The following MSI2 variants were observed in gnomAD, a reference collection of about 807,000 sequenced individuals.
MSI2 encodes the protein musashi RNA binding protein 2.
MSI2 carries 17 observed loss-of-function variants against 45.6 expected under a neutral mutation model. The ratio of observed to expected loss-of-function variants is 0.37; its 90% CI spans 0.26 to 0.56. The LOEUF (loss-of-function observed/expected upper bound fraction) is 0.56. Ranked by LOEUF, MSI2 falls within the 20% of genes least tolerant of loss-of-function variation. MSI2 has a pLI of 0.77. For synonymous variants in MSI2, 156 were observed against 158.2 expected, an observed-to-expected ratio of 0.99 and a Z score of 0.11; for missense variants, 293 against 444.2, an observed-to-expected ratio of 0.66 and a Z score of 3.06.
chr17:57,373,069 T>C (rs1380646327), intron 5 of MSI2, among the ~76,000 whole-genome samples: 1 of 152,046 alleles, frequency 6.6e-6, no homozygotes, highest in African/African-American at 2.4e-5. Context: ...GCCAACATAG[T>C]GGTAGAGACA....
chr17:57,617,535 C>T (rs1276122355), intron 9 of MSI2, among the ~76,000 whole-genome samples: 1 of 152,200 alleles, frequency 6.6e-6, no homozygotes, highest in Admixed American at 6.5e-5. Context: ...TCCTGGTTCA[C>T]TACAAGATAA....
chr17:57,265,125 G>A (rs1273700017), intron 5 of MSI2: 4 of 152,226 alleles, frequency 2.6e-5, no homozygotes, highest in African/African-American at 7.2e-5. Context: ...TAGAATTTGA[G>A]CCTGGCCACC....
At chr17:57,691,208 T>TC in the MSI2 span, among the ~76,000 whole-genome samples, 3 of 60,758 alleles carry the variant, frequency 4.9e-5, no homozygotes, top group African/African-American at 2.6e-4. Context: ...CTCATCTATC[T>TC]ATCTATCTAT....
rs542992610 is a variant in MSI2, at chr17:57,405,719, A to G, written c.405+4248A>G. On this transcript the variant is annotated intron_variant, in intron 6 of 13. Transcript: ENST00000284073. ...ACTGTTATAGTATTTCCATCTCCCTATTTCACCAGCTAGATGTAATTAATG... is the reference window on the plus strand; with the variant it reads ...ACTGTTATAGTATTTCCATCTCCCTGTTTCACCAGCTAGATGTAATTAATG... Among the ~76,000 whole-genome samples the G allele has an allele frequency of 7.1e-4, 108 of 152,294 alleles. 1 individual carries two copies. Among genetic ancestry groups the G allele is most frequent in the African/African-American group, 2.6e-3 (107 of 41,558 alleles).
chr17:57,465,619 G>A (rs1281584747), intron 6 of MSI2, among the ~76,000 whole-genome samples: 1 of 152,112 alleles, frequency 6.6e-6, no homozygotes, highest in Non-Finnish European at 1.5e-5. Flanking sequence ...CTTAATTCAG[G>A]CCTTACCCAA....
intron 6 of MSI2, among the ~76,000 whole-genome samples, 193 bp downstream of exon 6, chr17:57,401,664 C>T (rs779084322): frequency 4.6e-5 from 7 of 152,190 alleles, no homozygotes; most frequent in African/African-American, 9.7e-5. Flanking sequence ...GGTGTGATGT[C>T]CCACGTGCTG....
In MSI2 at chr17:57,586,220, T is replaced by TC. The variant is rs147488826; in HGVS notation, c.455-10645dup. ...TCTGGCCTGGATCACAGGTGCTTTT[T>TC]CCCACTCAGTTAACAGGAGTCTGGG... On this transcript the variant is annotated intron_variant, in intron 7 of 13. Transcript: ENST00000284073. Among the ~76,000 whole-genome samples the TC allele has an allele frequency of 5.9e-3, 892 of 152,324 alleles. 8 individuals are homozygous for TC. The highest frequency in any genetic ancestry group is 0.021 in the African/African-American group (853 of 41,566).
chr17:57,494,160 A>C (rs1313535182), intron 6 of MSI2, among the ~76,000 whole-genome samples: 2 of 152,220 alleles, frequency 1.3e-5, no homozygotes, highest in African/African-American at 4.8e-5. Context: ...GAGGTTCAAC[A>C]ACAGAGTCAT....
chr17:57,544,484 G>A (rs550053578), intron 7 of MSI2, among the ~76,000 whole-genome samples: 2 of 152,234 alleles, frequency 1.3e-5, no homozygotes, highest in East Asian at 1.9e-4. Flanking sequence ...GGGGTAGGGC[G>A]CTGCAGGTAG....
At chr17:57,264,747 T>C (rs1237208385) in intron 5 of MSI2, 1 of 152,280 alleles carries the variant, frequency 6.6e-6, no homozygotes. Context: ...GCAACCTGGC[T>C]GTAGAACTGG....
chr17:57,391,609 C>T (rs2083792079), intron 5 of MSI2, among the ~76,000 whole-genome samples: 1 of 152,160 alleles, frequency 6.6e-6, no homozygotes, highest in African/African-American at 2.4e-5. Context: ...GTCATCTGTG[C>T]ATCTTCAGAA....
At chr17:57,328,772 T>G (rs1371711791) in intron 5 of MSI2, among the ~76,000 whole-genome samples, 1 of 151,992 alleles carries the variant, frequency 6.6e-6, no homozygotes. Flanking sequence ...GATTATTGCC[T>G]GAGGAGACAT....
chr17:57,640,381 A>T lies in MSI2; in HGVS notation c.728-11718A>T, dbSNP rs573133911. Among the ~76,000 whole-genome samples, 168 of 152,252 alleles carry T rather than the reference A, an allele frequency of 1.1e-3. 1 individual carries two copies. Among genetic ancestry groups the T allele is most frequent in the Non-Finnish European group, 1.7e-3 (113 of 68,048 alleles). On this transcript the variant is annotated intron_variant, in intron 10 of 13. Coordinates refer to ENST00000284073, the MANE Select transcript of MSI2 (RefSeq NM_138962.4). Reference sequence around the variant, plus strand: ...AATGTTATCTATTAAAGCCCTTTGGATGTGAAATGCCATGTAAATTAATAG... The same window carrying T: ...AATGTTATCTATTAAAGCCCTTTGGTTGTGAAATGCCATGTAAATTAATAG...
chr17:57,476,079 GA>G (rs1269193578), intron 6 of MSI2, among the ~76,000 whole-genome samples: 1 of 152,180 alleles, frequency 6.6e-6, no homozygotes, highest in Non-Finnish European at 1.5e-5. Context: ...GTATTCTGGA[GA>G]ATTTTTAATT....
At chr17:57,689,226 A>G (rs1354018517), downstream of MSI2, among the ~76,000 whole-genome samples, 1 of 152,126 alleles carries the variant, frequency 6.6e-6, no homozygotes, top group Non-Finnish European at 1.5e-5. Flanking sequence ...GTGCTTATTA[A>G]TAGTATGTTC....
chr17:57,578,925 G>A (rs2193002), intron 7 of MSI2, among the ~76,000 whole-genome samples: 20,681 of 151,960 alleles, frequency 0.14, 1,469 homozygotes, highest in Middle Eastern at 0.17. Context: ...ACAGAAAATG[G>A]CATGGGAGGG....
At chr17:57,369,986 A>C (rs953045775) in intron 5 of MSI2, among the ~76,000 whole-genome samples, 2 of 152,370 alleles carry the variant, frequency 1.3e-5, no homozygotes, top group Non-Finnish European at 1.5e-5. Flanking sequence ...CACAGGGATA[A>C]AGGATTGTTA....
chr17:57,485,199 C>T (rs1225519062), intron 6 of MSI2, among the ~76,000 whole-genome samples: 1 of 152,194 alleles, frequency 6.6e-6, no homozygotes, highest in Non-Finnish European at 1.5e-5. Flanking sequence ...CTATTCTAGT[C>T]TTAGGAAAGG....
chr17:57,665,611 C>T (rs1456277960), intron 11 of MSI2, among the ~76,000 whole-genome samples: 7 of 152,166 alleles, frequency 4.6e-5, no homozygotes, highest in Non-Finnish European at 1.0e-4. Context: ...CACCCTGCCC[C>T]CTGCCTGCTA....
Sources: gnomAD v4.1 joint callset for allele counts (sites outside exome capture counted in the v4.1 genomes callset) on GRCh38, gnomAD v4.1.1 for gene constraint, MANE v1.5 for transcripts, NCBI Gene and HGNC (gene_info 2026-07-23, HGNC 2026-07-21) for gene names.